RBFOX1: variants seen among roughly 807,000 people sequenced by gnomAD.
The protein encoded by RBFOX1 is RNA binding protein fox-1 homolog 1.
A neutral mutation model predicts 57.7 loss-of-function variants in RBFOX1; 8 were observed. That is an observed-to-expected ratio of 0.14 (90% CI 0.08 to 0.25). The LOEUF is 0.25. Among genes scored for constraint, RBFOX1 ranks in the 10% least tolerant of loss-of-function variants. The pLI is 1.00. For synonymous variants in RBFOX1, 326 were observed against 222.4 expected (o/e 1.47, Z -4.15); for missense variants, 611 against 548.5 (o/e 1.11, Z -1.14).
intron 4 of RBFOX1, among the ~76,000 whole-genome samples, chr16:5,949,764 C>A (rs746946475): frequency 1.7e-4 from 26 of 152,266 alleles, no homozygotes; most frequent in Non-Finnish European, 3.1e-4. Context: ...CTTATTAATT[C>A]ATCACCCCGA....
chr16:6,858,001 G>C (rs1247067554), intron 3 of RBFOX1, among the ~76,000 whole-genome samples: 1 of 152,134 alleles, frequency 6.6e-6, no homozygotes. Context: ...TTCTAAACCA[G>C]CATATGGAAA....
At chr16:7,075,533 C>G (rs1053591952) in intron 4 of RBFOX1, among the ~76,000 whole-genome samples, 9 of 152,002 alleles carry the variant, frequency 5.9e-5, no homozygotes, top group African/African-American at 2.2e-4. Context: ...AAATAAAAGC[C>G]CACACAACTT....
intron 4 of RBFOX1, among the ~76,000 whole-genome samples, chr16:7,329,217 C>A (rs1263483391): frequency 6.6e-6 from 1 of 152,178 alleles, no homozygotes; most frequent in East Asian, 1.9e-4. Flanking sequence ...GAGCAGATGG[C>A]AATACACGGC....
chr16:5,763,602 C>G (rs866787719), intron 3 of RBFOX1, among the ~76,000 whole-genome samples: 1 of 152,196 alleles, frequency 6.6e-6, no homozygotes, highest in Admixed American at 6.5e-5. Flanking sequence ...AAATTGCTGC[C>G]AAGGCAATCC....
chr16:6,503,454 C>G (rs571088638), intron 2 of RBFOX1, among the ~76,000 whole-genome samples: 5 of 152,292 alleles, frequency 3.3e-5, no homozygotes, highest in African/African-American at 1.2e-4. Flanking sequence ...CCTGGGTGGA[C>G]CATGTGGGCT....
chr16:6,483,607 A>G, intron 2 of RBFOX1: 1 of 1,174,882 alleles, frequency 8.5e-7, no homozygotes, highest in Non-Finnish European at 1.1e-6. Flanking sequence ...GGAGAGAGGG[A>G]GGGAGGGAAG....
At chr16:6,317,421 G>A (rs2081247865) in intron 2 of RBFOX1, among the ~76,000 whole-genome samples, 1 of 151,978 alleles carries the variant, frequency 6.6e-6, no homozygotes, top group Non-Finnish European at 1.5e-5. Context: ...ACCCTGCAAA[G>A]TAGAAAGAAA....
intron 4 of RBFOX1, among the ~76,000 whole-genome samples, chr16:7,370,092 T>C (rs932952814): frequency 1.3e-5 from 2 of 152,238 alleles, no homozygotes; most frequent in Admixed American, 1.3e-4. Context: ...CAGAAAATTC[T>C]GTTGTTGAAG....
chr16:6,881,377 C>G (rs1268666610), intron 3 of RBFOX1, among the ~76,000 whole-genome samples: 2 of 152,182 alleles, frequency 1.3e-5, no homozygotes, highest in East Asian at 3.9e-4. Flanking sequence ...GTTACTCTCA[C>G]AGTTCTGCAG....
intron 3 of RBFOX1, among the ~76,000 whole-genome samples, chr16:5,644,911 G>A (rs1567339873): frequency 6.6e-6 from 1 of 152,102 alleles, no homozygotes; most frequent in Non-Finnish European, 1.5e-5. Context: ...TACCTGAGAA[G>A]AATGAAACGC....
At chr16:6,365,989 T>C (rs930173279) in intron 2 of RBFOX1, among the ~76,000 whole-genome samples, 1 of 151,716 alleles carries the variant, frequency 6.6e-6, no homozygotes, top group African/African-American at 2.4e-5. Context: ...GTTTTTTTTT[T>C]CCACGATACA....
intron 3 of RBFOX1, among the ~76,000 whole-genome samples, chr16:6,794,552 C>T (rs1428811166): frequency 1.3e-5 from 2 of 152,004 alleles, no homozygotes; most frequent in Non-Finnish European, 2.9e-5. Flanking sequence ...GTGATTGGTG[C>T]ATGGTCATTT....
At chr16:6,278,291 C>T (rs2152691762) in intron 1 of RBFOX1, among the ~76,000 whole-genome samples, 1 of 139,640 alleles carries the variant, frequency 7.2e-6, no homozygotes, top group East Asian at 2.2e-4. Context: ...AAAATCCTTC[C>T]TTTTAAGAAT....
At chr16:6,452,223 C>G (rs530413823) in intron 2 of RBFOX1, among the ~76,000 whole-genome samples, 1 of 151,540 alleles carries the variant, frequency 6.6e-6, no homozygotes, top group Non-Finnish European at 1.5e-5. Flanking sequence ...TGACTCCACC[C>G]ATGGCTCCTT....
chr16:7,310,422 T>G (rs1162009168), intron 4 of RBFOX1, among the ~76,000 whole-genome samples: 1 of 151,968 alleles, frequency 6.6e-6, no homozygotes, highest in Non-Finnish European at 1.5e-5. Flanking sequence ...CCAGGGTTGG[T>G]GGGGAGGAGG....
intron 4 of RBFOX1, among the ~76,000 whole-genome samples, chr16:7,492,338 A>G (rs1190286331): frequency 1.3e-5 from 2 of 152,012 alleles, no homozygotes; most frequent in African/African-American, 2.4e-5. Context: ...CAACTTTTCT[A>G]CCTTAGTGAA....
At chr16:7,643,275 G>C (rs1016526365) in intron 11 of RBFOX1, among the ~76,000 whole-genome samples, 5 of 152,132 alleles carry the variant, frequency 3.3e-5, no homozygotes, top group Admixed American at 3.3e-4. Flanking sequence ...CACCAGACTC[G>C]TTGCTCAGAG....
chr16:5,968,091 T>C (rs1466249586), intron 4 of RBFOX1, among the ~76,000 whole-genome samples: 3 of 152,182 alleles, frequency 2.0e-5, no homozygotes. Context: ...TTTTATTTCA[T>C]TGAGATAGAG....
intron 3 of RBFOX1, among the ~76,000 whole-genome samples, chr16:5,619,531 T>C (rs2048141923): frequency 6.6e-6 from 1 of 152,152 alleles, no homozygotes; most frequent in South Asian, 2.1e-4. Context: ...AGCCTTTCAC[T>C]CGAGAGAAAT....
Sources: allele counts gnomAD v4.1 joint callset (sites outside exome capture counted in the v4.1 genomes callset), GRCh38; gene constraint gnomAD v4.1.1; transcripts MANE v1.5; gene names NCBI Gene and HGNC (gene_info 2026-07-23, HGNC 2026-07-21).